Variants in KCTD10 observed in about 807,000 individuals in gnomAD.
KCTD10 encodes potassium channel tetramerization domain containing 10.
In KCTD10, 13 loss-of-function variants were observed where a neutral mutation model predicts 34.6. The ratio of observed to expected loss-of-function variants is 0.38; its 90% CI spans 0.24 to 0.60. The LOEUF (loss-of-function observed/expected upper bound fraction) is 0.60. Among genes scored for constraint, KCTD10 ranks in the 20% least tolerant of loss-of-function variants. The pLI, the probability that KCTD10 is intolerant of heterozygous loss-of-function variation, is 0.66. For synonymous variants in KCTD10, 156 were observed against 168.8 expected (o/e 0.92, Z 0.59); for missense variants, 256 against 420.3 (o/e 0.61, Z 3.42).
chr12:109,461,641 T>A (rs994568902), intron 2 of KCTD10, among the ~76,000 whole-genome samples: 1 of 152,238 alleles, frequency 6.6e-6, no homozygotes, highest in African/African-American at 2.4e-5. Flanking sequence ...ATGCAGTGTC[T>A]CTGGGAGTGG....
rs756933591 is a variant in KCTD10, at chr12:109,456,187, A to G, written c.654T>C (p.Gly218=). The G allele has an allele frequency of 3.7e-6, 6 of 1,614,182 alleles. No individual in the cohort carries two copies. In the Admixed American group the frequency reaches 1.0e-4, roughly 27 times the overall value. Reference sequence around the variant, plus strand: ...AGACTTCAGCAATCTTCCGGCCCTGACCATAAAAGGACCAGCAGCAGATTT... The same window carrying G: ...AGACTTCAGCAATCTTCCGGCCCTGGCCATAAAAGGACCAGCAGCAGATTT... The part of the protein sequence containing the change: ...GDEICCWSFY[G]QGRKIAEVCC... The change falls in exon 6 of 7, where the codon GGT becomes GGC. Residue 218 remains glycine, a synonymous_variant. Coordinates refer to ENST00000228495, the MANE Select transcript of KCTD10 (RefSeq NM_031954.5).
At position 109,449,994 on chromosome 12, in the gene KCTD10, G is replaced by T; in HGVS notation, c.*1601C>A. 1 of 324,906 alleles carries T rather than the reference G, an allele frequency of 3.1e-6. No homozygotes were observed. The highest frequency in any genetic ancestry group is 5.6e-6 in the Non-Finnish European group (1 of 179,580). 20.1% of individuals were successfully genotyped at this position (324,906 alleles called of 1,614,324 possible). ...GTCATGATTGTTTTAAAGTTTTATT[G>T]TAGACTTTGCTGTTGGATACAAAAT... On this transcript the variant is annotated 3_prime_UTR_variant, in exon 7 of 7. Transcript: ENST00000228495.
At chr12:109,461,690 G>C (rs1245150691) in intron 2 of KCTD10, among the ~76,000 whole-genome samples, 1 of 152,186 alleles carries the variant, frequency 6.6e-6, no homozygotes, top group Non-Finnish European at 1.5e-5. Flanking sequence ...GGAGGAGGAG[G>C]TACCAAAAAG....
intron 4 of KCTD10, 137 bp downstream of exon 4, chr12:109,457,855 C>T: frequency 1.0e-6 from 1 of 982,800 alleles, no homozygotes; most frequent in Non-Finnish European, 1.6e-6. Flanking sequence ...CAAAAGATGA[C>T]CTGTAGCTTC....
chr12:109,463,781 T>C (rs1873465283), intron 2 of KCTD10, among the ~76,000 whole-genome samples: 1 of 152,172 alleles, frequency 6.6e-6, no homozygotes. Flanking sequence ...CTACAAACGA[T>C]CTCACAGGGT....
At chr12:109,454,843 T>C (rs756885450) in intron 6 of KCTD10, among the ~76,000 whole-genome samples, 7 of 152,238 alleles carry the variant, frequency 4.6e-5, no homozygotes, top group African/African-American at 1.2e-4. Context: ...CTAGAAACAG[T>C]TGGGATCAGA....
At chr12:109,456,398 T>A in intron 5 of KCTD10, 85 bp from the exon 6 acceptor site, 1 of 1,173,850 alleles carries the variant, frequency 8.5e-7, no homozygotes, top group East Asian at 2.3e-5. Flanking sequence ...AGGGCCCTAC[T>A]GAGCCCACTT....
In KCTD10 at chr12:109,477,288, C is replaced by G; in HGVS notation, c.-26G>C. On this transcript the variant is annotated 5_prime_UTR_variant, in exon 1 of 7. Transcript: ENST00000228495. ...GAAAAGTCGGAGGACGCAGGAGTCT[C>G]CAAACCCGGACTGAGAGAGGCAGGA... is the stretch of plus-strand genomic sequence containing the variant. 6.2e-7 allele frequency: 1 copy of G among 1,613,832 alleles called. No homozygotes were observed. Among genetic ancestry groups the G allele is most frequent in the Non-Finnish European group, 8.5e-7 (1 of 1,179,900 alleles).
At chr12:109,477,232 C>T (rs1874427014) in intron 1 of KCTD10, 28 bp downstream of exon 1, 1 of 1,613,760 alleles carries the variant, frequency 6.2e-7, no homozygotes, top group Non-Finnish European at 8.5e-7. Flanking sequence ...GCCCTCAACC[C>T]CTAGTCCATG....
At chr12:109,473,635 A>C (rs1486795863) in intron 1 of KCTD10, among the ~76,000 whole-genome samples, 1 of 152,176 alleles carries the variant, frequency 6.6e-6, no homozygotes, top group African/African-American at 2.4e-5. Flanking sequence ...ATAGTAGGCA[A>C]GGCCCTTGGG....
At chr12:109,476,461 G>A (rs1296260656) in intron 1 of KCTD10, among the ~76,000 whole-genome samples, 2 of 152,096 alleles carry the variant, frequency 1.3e-5, no homozygotes, top group Admixed American at 1.3e-4. Context: ...AGCTACTCAG[G>A]GAACAGACCC....
At chr12:109,477,177 T>C in intron 1 of KCTD10, 83 bp downstream of exon 1, 1 of 1,390,912 alleles carries the variant, frequency 7.2e-7, no homozygotes, top group East Asian at 3.2e-5. Flanking sequence ...CACCCCCTCC[T>C]CTCGGTCCCT....
chr12:109,471,738 G>A (rs1873899067), intron 1 of KCTD10, among the ~76,000 whole-genome samples: 1 of 152,208 alleles, frequency 6.6e-6, no homozygotes, highest in African/African-American at 2.4e-5. Context: ...GGTCATGGGT[G>A]AGGGTGTGTG....
chr12:109,464,316 A>G (rs1873490012), intron 2 of KCTD10, among the ~76,000 whole-genome samples: 1 of 152,340 alleles, frequency 6.6e-6, no homozygotes, highest in East Asian at 1.9e-4. Context: ...TTTGGACCAG[A>G]TAATTCTTAG....
At chr12:109,470,187 T>C (rs1873816281) in intron 1 of KCTD10, 3 of 991,898 alleles carry the variant, frequency 3.0e-6, no homozygotes, top group South Asian at 4.6e-5. Context: ...CATTTCCTTA[T>C]TGCCATGTAC....
At chr12:109,453,824 A>G (rs987634045) in intron 6 of KCTD10, among the ~76,000 whole-genome samples, 3 of 152,188 alleles carry the variant, frequency 2.0e-5, no homozygotes, top group African/African-American at 7.2e-5. Context: ...ATGAACTCCT[A>G]GACCCACACC....
intron 1 of KCTD10, chr12:109,471,427 T>C (rs989592344): frequency 2.0e-6 from 2 of 984,896 alleles, no homozygotes; most frequent in African/African-American, 3.5e-5. Flanking sequence ...AAATGTTTTC[T>C]CAAGAAACAG....
At chr12:109,467,716 TCA>T (rs1281082155) in intron 2 of KCTD10, among the ~76,000 whole-genome samples, 3 of 151,958 alleles carry the variant, frequency 2.0e-5, no homozygotes, top group Non-Finnish European at 2.9e-5. Flanking sequence ...ATGAAACAAG[TCA>T]CAGTTTGCAG....
rs1872714675 is a variant in KCTD10 at position 109,450,409 on chromosome 12, T to C, written c.*1186A>G. On this transcript the variant is annotated 3_prime_UTR_variant, in exon 7 of 7. Transcript: ENST00000228495. ...CCCACCCACAGTCACACATATCCCTTAAACAAACATGAACACAGACACAAA... is the reference window on the plus strand; with the variant it reads ...CCCACCCACAGTCACACATATCCCTCAAACAAACATGAACACAGACACAAA... 2 of 399,156 alleles carry C rather than the reference T, an allele frequency of 5.0e-6. No homozygotes were observed. The highest frequency in any genetic ancestry group is 3.6e-5 in the East Asian group (1 of 28,098). The allele number at this position is 399,156 out of a possible 1,614,324, so 24.7% of individuals were successfully genotyped here.
Sources: gnomAD v4.1 joint callset for allele counts (sites outside exome capture counted in the v4.1 genomes callset) on GRCh38, gnomAD v4.1.1 for gene constraint, MANE v1.5 for transcripts, NCBI Gene and HGNC (gene_info 2026-07-23, HGNC 2026-07-21) for gene names.